The following DGKB variants were observed in gnomAD, a reference collection of about 807,000 sequenced individuals.
DGKB encodes diacylglycerol kinase beta.
Under a neutral mutation model 114.3 loss-of-function variants are expected in DGKB, and 67 were observed. The ratio of observed to expected loss-of-function variants is 0.59; its 90% CI spans 0.48 to 0.72. The LOEUF is 0.72. Ranked by LOEUF, DGKB falls within the 30% of genes least tolerant of loss-of-function variation. The probability of loss-of-function intolerance (pLI) is 0.00; values close to 1 mark genes in which losing one functional copy is unlikely to be tolerated. For missense variants in DGKB, 907 were observed against 975.2 expected (o/e 0.93, Z 0.93); for synonymous variants, 398 against 323.1 (o/e 1.23, Z -2.49).
intron 4 of DGKB, among the ~76,000 whole-genome samples, chr7:14,741,457 G>T (rs1380699653): frequency 1.3e-5 from 2 of 152,136 alleles, no homozygotes; most frequent in Non-Finnish European, 2.9e-5. Context: ...AAGGACCTAG[G>T]ACCCCATAGC....
At chr7:14,177,440 C>A (rs916772209) in intron 24 of DGKB, among the ~76,000 whole-genome samples, 1 of 151,220 alleles carries the variant, frequency 6.6e-6, no homozygotes, top group Non-Finnish European at 1.5e-5. Flanking sequence ...CCTGTAATCC[C>A]AGATACTCGG....
chr7:14,581,783 T>C (rs1378657352), intron 18 of DGKB, among the ~76,000 whole-genome samples: 1 of 152,210 alleles, frequency 6.6e-6, no homozygotes, highest in Non-Finnish European at 1.5e-5. Flanking sequence ...TTTTGAGGGC[T>C]AAAACAAGCT....
intron 9 of DGKB, among the ~76,000 whole-genome samples, chr7:14,693,488 T>C (rs940512470): frequency 4.0e-5 from 6 of 151,812 alleles, no homozygotes; most frequent in African/African-American, 1.5e-4. Context: ...AGAAAACTTT[T>C]GACAGGCGAT....
intron 23 of DGKB, among the ~76,000 whole-genome samples, chr7:14,201,830 GTTGTT>G (rs1785939964): frequency 6.6e-6 from 1 of 150,924 alleles, no homozygotes; most frequent in Non-Finnish European, 1.5e-5. Context: ...TTTGGAGTTT[GTTGTT>G]TTGTTTTTAG....
At chr7:14,760,513 T>A (rs1468709420) in intron 2 of DGKB, among the ~76,000 whole-genome samples, 1 of 152,148 alleles carries the variant, frequency 6.6e-6, no homozygotes, top group Non-Finnish European at 1.5e-5. Flanking sequence ...AATTCTTCTT[T>A]GTGGGTAATA....
intron 23 of DGKB, among the ~76,000 whole-genome samples, chr7:14,218,037 A>C (rs1366778321): frequency 3.3e-5 from 5 of 152,124 alleles, no homozygotes; most frequent in Non-Finnish European, 7.4e-5. Context: ...ATTTGGCTTT[A>C]AAATAAAATA....
At chr7:14,337,567 G>A (rs1188588567) in intron 23 of DGKB, among the ~76,000 whole-genome samples, 1 of 152,022 alleles carries the variant, frequency 6.6e-6, no homozygotes, top group Non-Finnish European at 1.5e-5. Context: ...GGTACTCAAA[G>A]ACACCAAAAC....
rs150568498 is a variant in DGKB, at chr7:14,628,479, A to C, written c.1167+1757T>G. Among the ~76,000 whole-genome samples, 369 of 152,312 alleles carry C rather than the reference A, an allele frequency of 2.4e-3. 2 individuals are homozygous for C. Among genetic ancestry groups the C allele is most frequent in the African/African-American group, 8.5e-3 (353 of 41,576 alleles). On this transcript the variant is annotated intron_variant, in intron 14 of 25. Coordinates refer to ENST00000402815, the MANE Select transcript of DGKB (RefSeq NM_001350709.2). ...AAAAGAATTGAAACTATTATAAGTG[A>C]TAAGATTGTGATATATACAAGAAAG... is the stretch of plus-strand genomic sequence containing the variant.
At chr7:14,815,875 T>C (rs999875446) in intron 2 of DGKB, among the ~76,000 whole-genome samples, 1 of 152,172 alleles carries the variant, frequency 6.6e-6, no homozygotes, top group Non-Finnish European at 1.5e-5. Context: ...ACCAGATCTG[T>C]TGGGTACCAG....
intron 2 of DGKB, among the ~76,000 whole-genome samples, chr7:14,798,001 C>T (rs1369467507): frequency 6.6e-6 from 1 of 152,006 alleles, no homozygotes; most frequent in African/African-American, 2.4e-5. Flanking sequence ...GAGAGGGGAC[C>T]CGAAATCAGG....
intron 1 of DGKB, among the ~76,000 whole-genome samples, chr7:14,917,089 A>G (rs1403812863): frequency 6.6e-6 from 1 of 152,122 alleles, no homozygotes; most frequent in Non-Finnish European, 1.5e-5. Flanking sequence ...CTAAATGACT[A>G]AGAAAACAAT....
chr7:14,607,439 C>A lies in DGKB; in HGVS notation c.1428G>T (p.Met476Ile). The A allele has an allele frequency of 6.6e-7, 1 of 1,522,996 alleles. No individual in the cohort carries two copies. 94.3% of individuals were successfully genotyped at this position (1,522,996 alleles called of 1,614,324 possible). ...AATATTATCCTTGGACTTACCCTGGCATTGGTCCATTTCCAGAAAGACTGT... is the reference window on the plus strand; with the variant it reads ...AATATTATCCTTGGACTTACCCTGGAATTGGTCCATTTCCAGAAAGACTGT... ...QVYSLSGNGP[M>I]PGLNFFRDVP... The change falls in exon 17 of 26, where the codon ATG becomes ATT. Residue 476 changes from methionine to isoleucine, a missense_variant. Coordinates refer to ENST00000402815, the MANE Select transcript of DGKB (RefSeq NM_001350709.2).
At chr7:14,524,480 G>A (rs138620875) in intron 20 of DGKB, among the ~76,000 whole-genome samples, 92 of 152,290 alleles carry the variant, frequency 6.0e-4, no homozygotes, top group African/African-American at 2.1e-3. Context: ...TTCAGGCCAG[G>A]CGCAGTGGCT....
chr7:14,725,772 T>G (rs532438218), intron 5 of DGKB, among the ~76,000 whole-genome samples: 3 of 152,212 alleles, frequency 2.0e-5, no homozygotes, highest in African/African-American at 7.2e-5. Context: ...GGTCTCAAAC[T>G]CCCGACCTCA....
At chr7:14,570,659 C>G (rs6945470) in intron 20 of DGKB, among the ~76,000 whole-genome samples, 80,727 of 151,804 alleles carry the variant, frequency 0.53, 21,528 homozygotes, top group East Asian at 0.61. Flanking sequence ...TATTCATTAA[C>G]TGGAAGTTGA....
upstream of DGKB, among the ~76,000 whole-genome samples, chr7:14,906,516 T>C (rs10251769): frequency 0.41 from 60,845 of 147,330 alleles, 16,196 homozygotes; most frequent in East Asian, 0.92. Context: ...TGCAATGATG[T>C]GATCTCGGCT....
At position 14,685,313 on chromosome 7, in the gene DGKB, T is replaced by A. The variant is rs758233200; in HGVS notation, c.761A>T (p.Lys254Ile). Residue 254 changes from lysine to isoleucine, a missense_variant, in exon 10 of 26, where the codon AAA (lysine) becomes ATA (isoleucine). Around this residue, in one of 3 missense-constraint regions of DGKB, gnomAD observed 814 missense variants for 856.6 expected, o/e 0.95. Coordinates refer to ENST00000402815, the MANE Select transcript of DGKB (RefSeq NM_001350709.2). Reference protein sequence around the residue: ...QHVWRLKHFNKPAYCNLCLNM... With the variant: ...QHVWRLKHFNIPAYCNLCLNM... ...CAGGCAAAGGTTGCAATAGGCAGGT[T>A]TGTTAAAGTGCTTCAGTCGCCACAC... 3 of 1,613,872 alleles carry A rather than the reference T, an allele frequency of 1.9e-6. No individual in the cohort carries two copies. Among genetic ancestry groups the A allele is most frequent in the Non-Finnish European group, 1.7e-6 (2 of 1,179,806 alleles).
intron 23 of DGKB, among the ~76,000 whole-genome samples, chr7:14,211,371 G>A (rs62445569): frequency 0.092 from 2,309 of 25,046 alleles, 59 homozygotes; most frequent in Non-Finnish European, 0.099. Flanking sequence ...ATTTACTCTC[G>A]TGTTTTGTGA....
chr7:14,689,199 A>ATTTTTTTTTTTTTTTTTTTTTTTTTTTT (rs551618345), intron 9 of DGKB, among the ~76,000 whole-genome samples: 5 of 76,572 alleles, frequency 6.5e-5, no homozygotes, highest in East Asian at 7.0e-4. Context: ...AACTCCTCTT[A>ATTTTTTTTTTTTTTTTTTTTTTTTTTTT]TTTTTTTTTT....
Sources: gnomAD v4.1 joint callset for allele counts (sites outside exome capture counted in the v4.1 genomes callset) on GRCh38, gnomAD v4.1.1 for gene constraint, gnomAD v4.1.1 regional missense constraint, MANE v1.5 for transcripts, NCBI Gene and HGNC (gene_info 2026-07-23, HGNC 2026-07-21) for gene names.